The following KCNQ5 variants were observed in gnomAD, a reference collection of about 807,000 sequenced individuals.
The protein encoded by KCNQ5 is potassium voltage-gated channel subfamily Q member 5, also known as potassium voltage-gated channel subfamily KQT member 5.
KCNQ5 carries 30 observed loss-of-function variants against 98.2 expected under a neutral mutation model. The ratio of observed to expected loss-of-function variants is 0.31; its 90% CI spans 0.23 to 0.41. The LOEUF (loss-of-function observed/expected upper bound fraction) is 0.41. KCNQ5 is among the 10% of genes least tolerant of loss of function. The pLI is 1.00. For synonymous variants in KCNQ5, 458 were observed against 449.4 expected (o/e 1.02, Z -0.24); for missense variants, 835 against 1,182.5 (o/e 0.71, Z 4.31).
intron 1 of KCNQ5, among the ~76,000 whole-genome samples, chr6:72,798,654 G>A (rs1052267961): frequency 1.3e-5 from 2 of 152,098 alleles, no homozygotes; most frequent in African/African-American, 2.4e-5. Flanking sequence ...AACAGACTAA[G>A]CTGTTATTTC....
intron 1 of KCNQ5, among the ~76,000 whole-genome samples, chr6:72,926,214 G>A (rs1765411374): frequency 6.6e-6 from 1 of 152,002 alleles, no homozygotes; most frequent in Non-Finnish European, 1.5e-5. Context: ...AAACTGCTCT[G>A]CCCCCACTGA....
intron 1 of KCNQ5, among the ~76,000 whole-genome samples, chr6:72,869,311 G>GA (rs1778112844): frequency 6.6e-6 from 1 of 152,160 alleles, no homozygotes; most frequent in Non-Finnish European, 1.5e-5. Context: ...GACATGTGGG[G>GA]ATCTGAGCTT....
chr6:73,135,149 G>C (rs537946838), intron 10 of KCNQ5: 14 of 152,134 alleles, frequency 9.2e-5, no homozygotes, highest in South Asian at 2.1e-4. Context: ...TCAGGCATTA[G>C]AAATGATGCT....
chr6:72,982,833 G>A (rs1028418298), intron 1 of KCNQ5, among the ~76,000 whole-genome samples: 1 of 152,124 alleles, frequency 6.6e-6, no homozygotes, highest in Non-Finnish European at 1.5e-5. Flanking sequence ...CATGTTTAGT[G>A]CTTCCTTTAG....
At chr6:72,767,945 G>C (rs763527602) in intron 1 of KCNQ5, among the ~76,000 whole-genome samples, 1 of 151,930 alleles carries the variant, frequency 6.6e-6, no homozygotes, top group Non-Finnish European at 1.5e-5. Flanking sequence ...CTTCTCAAAG[G>C]CTTAAATTTA....
intron 1 of KCNQ5, among the ~76,000 whole-genome samples, chr6:72,720,478 T>G (rs1373996582): frequency 6.6e-6 from 1 of 152,058 alleles, no homozygotes; most frequent in Non-Finnish European, 1.5e-5. Context: ...TTGGAAAAAG[T>G]GATTGCAAAG....
chr6:73,057,905 C>G (rs1053212674), intron 3 of KCNQ5, among the ~76,000 whole-genome samples: 10 of 152,230 alleles, frequency 6.6e-5, no homozygotes, highest in Admixed American at 6.5e-4. Context: ...AACACATAGA[C>G]CAATGGAACA....
chr6:73,039,593 T>C (rs1244417151), intron 2 of KCNQ5, among the ~76,000 whole-genome samples: 1 of 152,210 alleles, frequency 6.6e-6, no homozygotes, highest in Non-Finnish European at 1.5e-5. Flanking sequence ...ACTGGGAATA[T>C]TGTTTAATTT....
intron 10 of KCNQ5, among the ~76,000 whole-genome samples, chr6:73,140,569 C>T (rs1009937054): frequency 1.3e-5 from 2 of 152,204 alleles, no homozygotes; most frequent in African/African-American, 2.4e-5. Context: ...GAGTAGGGCA[C>T]CCATTCCTGT....
Position 72,977,174 on chromosome 6 carries a change from T to C in KCNQ5, c.399-26734T>C, listed in dbSNP as rs148282367. Among the ~76,000 whole-genome samples the C allele has an allele frequency of 2.7e-3, 410 of 152,314 alleles. 2 individuals carry two copies. The highest frequency in any genetic ancestry group is 4.2e-3 in the Non-Finnish European group (289 of 68,030). On this transcript the variant is annotated intron_variant, in intron 1 of 13. Coordinates refer to ENST00000370398, the MANE Select transcript of KCNQ5 (RefSeq NM_019842.4). ...CACAGATTCTCATTTTGAGGCTATC[T>C]CATTTTATTCTCAAAACAATACTAG...
chr6:72,849,115 TACACAC>T (rs57312980), intron 1 of KCNQ5, among the ~76,000 whole-genome samples: 23,654 of 147,424 alleles, frequency 0.16, 2,517 homozygotes, highest in African/African-American at 0.31. Flanking sequence ...TATGTACACA[TACACAC>T]ACACACACAC....
chr6:72,683,428 C>T (rs1375072680), intron 1 of KCNQ5, among the ~76,000 whole-genome samples: 1 of 143,692 alleles, frequency 7.0e-6, no homozygotes, highest in Non-Finnish European at 1.5e-5. Context: ...AGTGCAGTGG[C>T]GCAATCTCGG....
At chr6:73,125,370 G>C (rs766411634) in intron 9 of KCNQ5, 3 of 514,462 alleles carry the variant, frequency 5.8e-6, no homozygotes, top group South Asian at 4.3e-5. Flanking sequence ...AACAGAGCCA[G>C]GTGGAACCCA....
intron 1 of KCNQ5, among the ~76,000 whole-genome samples, chr6:72,925,944 A>G (rs1049721675): frequency 6.6e-6 from 1 of 152,228 alleles, no homozygotes. Flanking sequence ...AGAGTTTTAC[A>G]CTTAGGAACT....
intron 1 of KCNQ5, among the ~76,000 whole-genome samples, chr6:72,953,110 G>A (rs1766884918): frequency 6.6e-6 from 1 of 152,152 alleles, no homozygotes; most frequent in Admixed American, 6.5e-5. Context: ...CACACTGTGT[G>A]GTTCTAGATA....
At chr6:72,665,885 T>C (rs1049604596) in intron 1 of KCNQ5, among the ~76,000 whole-genome samples, 2 of 152,228 alleles carry the variant, frequency 1.3e-5, no homozygotes, top group Non-Finnish European at 2.9e-5. Flanking sequence ...CAGAATCTCT[T>C]AATGAACTAC....
intron 1 of KCNQ5, among the ~76,000 whole-genome samples, chr6:72,836,438 G>C (rs563474812): frequency 1.6e-4 from 24 of 152,114 alleles, no homozygotes; most frequent in South Asian, 6.2e-4. Flanking sequence ...CTCTCTCTGT[G>C]TGTGTATATA....
chr6:72,754,038 T>C (rs7743692), intron 1 of KCNQ5, among the ~76,000 whole-genome samples: 42,156 of 152,024 alleles, frequency 0.28, 8,993 homozygotes, highest in African/African-American at 0.6. Flanking sequence ...TACTTTATTA[T>C]GTTGGTTAGA....
chr6:72,694,538 T>C (rs544182138), intron 1 of KCNQ5, among the ~76,000 whole-genome samples: 61 of 152,098 alleles, frequency 4.0e-4, no homozygotes, highest in Non-Finnish European at 7.8e-4. Flanking sequence ...CTATAGCTGA[T>C]GGTGGGCAAG....
Sources: gnomAD v4.1 joint callset for allele counts (sites outside exome capture counted in the v4.1 genomes callset) on GRCh38, gnomAD v4.1.1 for gene constraint, MANE v1.5 for transcripts, NCBI Gene and HGNC (gene_info 2026-07-23, HGNC 2026-07-21) for gene names.